The following AQR variants were observed in gnomAD, a reference collection of about 807,000 sequenced individuals.
AQR encodes the protein RNA helicase aquarius.
AQR carries 61 observed loss-of-function variants against 180.5 expected under a neutral mutation model. The observed-to-expected ratio is 0.34, with a 90% CI of 0.28 to 0.42. The LOEUF (loss-of-function observed/expected upper bound fraction) is 0.42. Among genes scored for constraint, AQR ranks in the 10% least tolerant of loss-of-function variants. The probability of loss-of-function intolerance (pLI) is 1.00; values close to 1 mark genes in which losing one functional copy is unlikely to be tolerated. For missense variants in AQR, 1,281 were observed against 1,798.3 expected (o/e 0.71, Z 5.20); for synonymous variants, 551 against 588.8 (o/e 0.94, Z 0.93).
Position 34,934,559 on chromosome 15 carries a change from T to C in AQR, c.783+12A>G, listed in dbSNP as rs376661818. The C allele has an allele frequency of 2.0e-5, 32 of 1,573,710 alleles. No homozygotes were observed. Among genetic ancestry groups the C allele is most frequent in the African/African-American group, 8.2e-5 (6 of 72,906 alleles). On this transcript the variant is annotated intron_variant, in intron 10 of 34. Coordinates refer to ENST00000156471, the MANE Select transcript of AQR (RefSeq NM_014691.3). ...TGATTATATAACAAAAAAGTCACGGTAGATTTCTTACCTCTAGATCAATCA... is the reference window on the plus strand; with the variant it reads ...TGATTATATAACAAAAAAGTCACGGCAGATTTCTTACCTCTAGATCAATCA...
chr15:34,861,181 T>A (rs908979078), intron 33 of AQR, among the ~76,000 whole-genome samples: 1 of 152,228 alleles, frequency 6.6e-6, no homozygotes, highest in East Asian at 1.9e-4. Flanking sequence ...AAGTTAGAAA[T>A]AATTTAGTAA....
At position 34,964,306 on chromosome 15, in the gene AQR, T is replaced by TA; in HGVS notation, c.76-17dup. ...TACATGCTAACTGCAAAGTAAACAGTATAAACAGTAAGTCCCAGATTCTTG... is the reference window on the plus strand; with the variant it reads ...TACATGCTAACTGCAAAGTAAACAGTAATAAACAGTAAGTCCCAGATTCTTG... On this transcript the variant is annotated splice_polypyrimidine_tract_variant and intron_variant, in intron 1 of 34. Coordinates refer to ENST00000156471, the MANE Select transcript of AQR (RefSeq NM_014691.3). The TA allele has an allele frequency of 6.3e-7, 1 of 1,585,686 alleles. No individual in the cohort carries two copies. The highest frequency in any genetic ancestry group is 8.6e-7 in the Non-Finnish European group (1 of 1,156,648).
At chr15:34,907,373 A>G (rs1396406969) in intron 17 of AQR, among the ~76,000 whole-genome samples, 1 of 152,246 alleles carries the variant, frequency 6.6e-6, no homozygotes, top group African/African-American at 2.4e-5. Flanking sequence ...AGCTCTATTA[A>G]AAGTAGAGAA....
chr15:34,893,574 CT>C lies in AQR; in HGVS notation c.2571+88del, dbSNP rs1229877081. On this transcript the variant is annotated intron_variant, in intron 23 of 34. Transcript: ENST00000156471. ...CCCACACTTACCTCCCCCTCAACCC[CT>C]AACCTGCATACCCATGTGCATGCGC... The C allele has an allele frequency of 2.5e-5, 29 of 1,159,972 alleles. No homozygotes were observed. In the African/African-American group the frequency reaches 4.3e-4, roughly 17 times the overall value. 71.9% of individuals were successfully genotyped at this position (1,159,972 alleles called of 1,614,324 possible).
chr15:34,899,247 A>C (rs907909815), intron 20 of AQR, among the ~76,000 whole-genome samples: 5 of 152,194 alleles, frequency 3.3e-5, no homozygotes, highest in Non-Finnish European at 5.9e-5. Flanking sequence ...TATGGGAGTA[A>C]AAAGATTCAA....
chr15:34,949,546 T>G (rs534304479), intron 4 of AQR, among the ~76,000 whole-genome samples: 24 of 136,014 alleles, frequency 1.8e-4, no homozygotes, highest in African/African-American at 6.6e-4. Context: ...GAGGCGGAGA[T>G]TGCAGTGAGC....
At chr15:34,865,187 C>T (rs941400663) in intron 32 of AQR, among the ~76,000 whole-genome samples, 2 of 152,126 alleles carry the variant, frequency 1.3e-5, no homozygotes, top group East Asian at 1.9e-4. Flanking sequence ...TAAACAACAA[C>T]GCCAACACTC....
Position 34,856,274 on chromosome 15 carries a change from T to C in AQR, c.*518A>G, listed in dbSNP as rs192574247. 1.2e-3 allele frequency: 404 copies of C among 326,228 alleles called. 1 individual carries two copies. Among genetic ancestry groups the C allele is most frequent in the Non-Finnish European group, 1.9e-3 (350 of 181,996 alleles). 20.2% of individuals were successfully genotyped at this position (326,228 alleles called of 1,614,324 possible). On this transcript the variant is annotated 3_prime_UTR_variant, in exon 35 of 35. Coordinates refer to ENST00000156471, the MANE Select transcript of AQR (RefSeq NM_014691.3). ...CTAAGATTTGAGAGAAGGAAATGCA[T>C]GTAACCACTTTGATAGATTGAAGAA...
In AQR at chr15:34,964,600, G is replaced by C; in HGVS notation, c.76-310C>G. On this transcript the variant is annotated intron_variant, in intron 1 of 34. Transcript: ENST00000156471. Reference sequence around the variant, plus strand: ...CACAGAGCCAAACATCTTCAGCATGGCAATAAGGAAACCCTGGTCTAGAAA... The same window carrying C: ...CACAGAGCCAAACATCTTCAGCATGCCAATAAGGAAACCCTGGTCTAGAAA... The C allele has an allele frequency of 1.2e-5, 5 of 420,448 alleles. 1 individual carries two copies. Among genetic ancestry groups the C allele is most frequent in the South Asian group, 1.1e-4 (5 of 45,194 alleles). 26.0% of individuals were successfully genotyped at this position (420,448 alleles called of 1,614,324 possible). A position where few individuals can be genotyped will look rare whatever the true frequency, so the allele number is the denominator to read the frequency against.
intron 27 of AQR, 139 bp from the exon 28 acceptor site, chr15:34,876,145 A>C: frequency 1.6e-6 from 1 of 616,358 alleles, no homozygotes; most frequent in Non-Finnish European, 2.9e-6. Flanking sequence ...AAATAACAAC[A>C]TACACATTAT....
intron 20 of AQR, among the ~76,000 whole-genome samples, chr15:34,898,889 C>T (rs1388853482): frequency 2.0e-5 from 3 of 149,670 alleles, no homozygotes; most frequent in East Asian, 3.9e-4. Flanking sequence ...TATCCTTGGC[C>T]GGGCGCGGTG....
chr15:34,924,919 T>TAAAAAAAAAAAAAAAAAA (rs34745223), intron 13 of AQR, among the ~76,000 whole-genome samples: 1 of 134,014 alleles, frequency 7.5e-6, no homozygotes, highest in African/African-American at 2.8e-5. Context: ...AAGCTAAATG[T>TAAAAAAAAAAAAAAAAAA]AAAAAAAAAA....
At chr15:34,905,503 CT>C (rs1468496694) in intron 18 of AQR, among the ~76,000 whole-genome samples, 1 of 151,990 alleles carries the variant, frequency 6.6e-6, no homozygotes, top group African/African-American at 2.4e-5. Flanking sequence ...ATAATTCCTT[CT>C]TTTATTTCTG....
At position 34,887,188 on chromosome 15, in the gene AQR, G is replaced by A. The variant is rs1893074766; in HGVS notation, c.2682-527C>T. ...TGGAACAGTATTGATCTGCAAGGGTGTTACTGGTCTAGGAGGAGGGAAAGT... is the reference window on the plus strand; with the variant it reads ...TGGAACAGTATTGATCTGCAAGGGTATTACTGGTCTAGGAGGAGGGAAAGT... On this transcript the variant is annotated intron_variant, in intron 24 of 34. Coordinates refer to ENST00000156471, the MANE Select transcript of AQR (RefSeq NM_014691.3). 2.6e-5 allele frequency among the ~76,000 whole-genome samples: 4 copies of A among 151,962 alleles called. No individual in the cohort carries two copies. The South Asian group carries it at 8.3e-4, about 32-fold the overall frequency.
chr15:34,870,764 T>C lies in AQR; in HGVS notation c.3756A>G (p.Gly1252=). 6.2e-7 allele frequency: 1 copy of C among 1,611,362 alleles called. No individual in the cohort carries two copies. Among genetic ancestry groups the C allele is most frequent in the Non-Finnish European group, 8.5e-7 (1 of 1,178,906 alleles). Residue 1252 remains glycine, a synonymous_variant, in exon 31 of 35, where the codon GGA becomes GGG. Coordinates refer to ENST00000156471, the MANE Select transcript of AQR (RefSeq NM_014691.3). The part of the protein sequence containing the change: ...NRRCGNNPLI[G]RPNKVTTVDR... ...ATTATAAAAGTACCTTGTTTGGTCT[T>C]CCAATCAATGGATTGTTTCCACATC... is the stretch of plus-strand genomic sequence containing the variant.
At chr15:34,863,107 T>C in intron 32 of AQR, 66 bp from the exon 33 acceptor site, 1 of 1,452,910 alleles carries the variant, frequency 6.9e-7, no homozygotes, top group South Asian at 1.4e-5. Flanking sequence ...GCTTTTTTTT[T>C]TTTCACAGAT....
At chr15:34,899,489 C>T (rs1181017584) in intron 20 of AQR, among the ~76,000 whole-genome samples, 1 of 151,850 alleles carries the variant, frequency 6.6e-6, no homozygotes, top group Non-Finnish European at 1.5e-5. Context: ...CGTGATCCTC[C>T]CACCTCAGCT....
At chr15:34,945,963 A>G (rs1484079084) in intron 5 of AQR, among the ~76,000 whole-genome samples, 2 of 152,198 alleles carry the variant, frequency 1.3e-5, no homozygotes, top group East Asian at 3.9e-4. Flanking sequence ...GGAAAAATAG[A>G]TCCCAAATCA....
At chr15:34,883,730 C>A (rs1893011281) in intron 26 of AQR, among the ~76,000 whole-genome samples, 1 of 152,088 alleles carries the variant, frequency 6.6e-6, no homozygotes, top group Non-Finnish European at 1.5e-5. Context: ...CTTTATAGGA[C>A]CGCTGTAATT....
Sources: gnomAD v4.1 joint callset for allele counts (sites outside exome capture counted in the v4.1 genomes callset) on GRCh38, gnomAD v4.1.1 for gene constraint, MANE v1.5 for transcripts, NCBI Gene and HGNC (gene_info 2026-07-23, HGNC 2026-07-21) for gene names.